AHCTF1: variants seen among roughly 807,000 people sequenced by gnomAD.
The protein encoded by AHCTF1 is protein ELYS.
In AHCTF1, 24 loss-of-function variants were observed where a neutral mutation model predicts 248.4. The ratio of observed to expected loss-of-function variants is 0.10; its 90% CI spans 0.07 to 0.14. The LOEUF is 0.14. Ranked by LOEUF, AHCTF1 falls within the 10% of genes least tolerant of loss-of-function variation. AHCTF1 has a pLI of 1.00. For synonymous variants in AHCTF1, 786 were observed against 929.8 expected (o/e 0.85, Z 2.81); for missense variants, 2,206 against 2,636.2 (o/e 0.84, Z 3.57).
chr1:246,874,669 T>TA (rs1304684274), intron 24 of AHCTF1, among the ~76,000 whole-genome samples: 1 of 151,944 alleles, frequency 6.6e-6, no homozygotes, highest in Non-Finnish European at 1.5e-5. Flanking sequence ...TCTTCCAAAT[T>TA]AAAAAAAATT....
rs1319494319 is a variant in AHCTF1 at position 246,876,952 on chromosome 1, T to C, written c.2935A>G (p.Met979Val). The change falls in exon 23 of 36, where the codon ATG becomes GTG. Residue 979 changes from methionine to valine, a missense_variant and splice_region_variant. Around this residue, in one of 6 missense-constraint regions of AHCTF1, gnomAD observed 955 missense variants for 1,055.6 expected, o/e 0.90. Transcript: ENST00000648844. ...TAATAAGACAACTTTAATCGTACCA[T>C]AACATTAATCTTCAGAGTTTGGTTC... ...KLNQTLKINVMNDRDPRLRER... is the reference protein window; with the variant it reads ...KLNQTLKINVVNDRDPRLRER... 2 of 1,611,738 alleles carry C rather than the reference T, an allele frequency of 1.2e-6. No individual in the cohort carries two copies. Among genetic ancestry groups the C allele is most frequent in the Admixed American group, 3.3e-5 (2 of 60,000 alleles).
At chr1:246,867,924 A>T in intron 24 of AHCTF1, 113 bp from the exon 25 acceptor site, 1 of 360,590 alleles carries the variant, frequency 2.8e-6, no homozygotes, top group Non-Finnish European at 4.3e-6. Flanking sequence ...CACACACATT[A>T]CGTGGTAATA....
chr1:246,930,966 C>T (rs756841281), intron 1 of AHCTF1, among the ~76,000 whole-genome samples: 4 of 152,154 alleles, frequency 2.6e-5, no homozygotes, highest in Non-Finnish European at 5.9e-5. Flanking sequence ...AAACAGTCAA[C>T]CAGTGGCAAA....
intron 1 of AHCTF1, among the ~76,000 whole-genome samples, chr1:246,920,317 A>G (rs994755921): frequency 2.0e-5 from 3 of 152,138 alleles, no homozygotes; most frequent in Non-Finnish European, 1.5e-5. Context: ...ATTTAGCTTG[A>G]TAAGAAACTG....
intron 1 of AHCTF1, among the ~76,000 whole-genome samples, chr1:246,924,561 C>G (rs1324481569): frequency 6.6e-5 from 10 of 151,938 alleles, no homozygotes; most frequent in Non-Finnish European, 1.3e-4. Context: ...AAAAATCAAC[C>G]TAACGTTCTT....
chr1:246,921,948 C>T (rs1465034363), intron 1 of AHCTF1, among the ~76,000 whole-genome samples: 1 of 152,234 alleles, frequency 6.6e-6, no homozygotes, highest in East Asian at 1.9e-4. Context: ...TAAACACTGA[C>T]TACACAACAA....
At chr1:246,870,570 CAGAT>C (rs773297561) in intron 24 of AHCTF1, among the ~76,000 whole-genome samples, 4 of 151,894 alleles carry the variant, frequency 2.6e-5, no homozygotes, top group African/African-American at 4.8e-5. Context: ...AAAGTGTAAA[CAGAT>C]AGAGGGTCTC....
rs1256646412 is a variant in AHCTF1, at chr1:246,918,377, A to G, written c.-7T>C. 2 of 1,604,924 alleles carry G rather than the reference A, an allele frequency of 1.2e-6. No homozygotes were observed. Among genetic ancestry groups the G allele is most frequent in the Admixed American group, 3.4e-5 (2 of 58,556 alleles). ...GAGCTCTTAAGTCTCGCATACTTCC[A>G]CTGTAAATATTTTTAAAAGAAAACA... is the stretch of plus-strand genomic sequence containing the variant. On this transcript the variant is annotated splice_region_variant and 5_prime_UTR_variant, in exon 2 of 36. Transcript: ENST00000648844.
intron 1 of AHCTF1, among the ~76,000 whole-genome samples, chr1:246,924,914 C>T (rs1287951184): frequency 6.6e-6 from 1 of 152,086 alleles, no homozygotes; most frequent in Non-Finnish European, 1.5e-5. Flanking sequence ...CAATACAAAA[C>T]CCTCATGAGG....
rs758571381 is a variant in AHCTF1 at position 246,861,261 on chromosome 1, G to T, written c.3770C>A (p.Thr1257Lys). Residue 1257 changes from threonine to lysine, a missense_variant, in exon 29 of 36, where the codon ACA (threonine) becomes AAA (lysine). Physicochemically the swap from Thr to Lys is moderately conservative, Grantham distance 78 (BLOSUM62 -1). Around this residue, in one of 6 missense-constraint regions of AHCTF1, gnomAD observed 955 missense variants for 1,055.6 expected, o/e 0.90. Coordinates refer to ENST00000648844, the MANE Select transcript of AHCTF1 (RefSeq NM_001323342.2). ...CACTGGAACTGCACATTTTTTAGGT[G>T]TAGTAAATACTTCTAATTTGCTATC... ...ADDSKLEVFT[T>K]PKKCAVPVET... 5 of 1,611,790 alleles carry T rather than the reference G, an allele frequency of 3.1e-6. No individual in the cohort carries two copies. The highest frequency in any genetic ancestry group is 1.7e-5 in the Admixed American group (1 of 59,848).
At chr1:246,919,128 A>C (rs1337256525) in intron 1 of AHCTF1, among the ~76,000 whole-genome samples, 1 of 152,196 alleles carries the variant, frequency 6.6e-6, no homozygotes, top group Non-Finnish European at 1.5e-5. Context: ...TAGCCATCTG[A>C]GTTGGTTAGC....
At chr1:246,895,107 T>A (rs549218484) in intron 13 of AHCTF1, among the ~76,000 whole-genome samples, 1 of 152,184 alleles carries the variant, frequency 6.6e-6, no homozygotes, top group Admixed American at 6.5e-5. Context: ...AACAATTACA[T>A]ACAAACTATT....
chr1:246,867,563 A>T, intron 25 of AHCTF1, 98 bp downstream of exon 25: 1 of 1,461,120 alleles, frequency 6.8e-7, no homozygotes. Context: ...ACATACACTA[A>T]TAAACTTAGG....
chr1:246,927,674 T>G (rs12065654), intron 1 of AHCTF1, among the ~76,000 whole-genome samples: 1 of 152,190 alleles, frequency 6.6e-6, no homozygotes. Context: ...AAAGGCTAGA[T>G]AGGCAGAGCA....
At chr1:246,856,141 C>T (rs936663002) in intron 30 of AHCTF1, among the ~76,000 whole-genome samples, 6 of 152,084 alleles carry the variant, frequency 3.9e-5, no homozygotes, top group South Asian at 2.1e-4. Flanking sequence ...TAATCTGTGG[C>T]CAGTCTTCAA....
In AHCTF1 at chr1:246,913,243, A is replaced by C; in HGVS notation, c.545T>G (p.Val182Gly). Residue 182 changes from valine to glycine, a missense_variant, in exon 4 of 36, where the codon GTT becomes GGT. Transcript: ENST00000648844. ...LDDLSCNQNE[V>G]EASDLEVLTG... ...AAAGAACTGATTACCTGATGCTTCA[A>C]CTTCATTTTGATTGCATGACAAGTC... is the stretch of plus-strand genomic sequence containing the variant. The C allele has an allele frequency of 1.2e-6, 2 of 1,601,762 alleles. No individual in the cohort carries two copies. The highest frequency in any genetic ancestry group is 1.7e-6 in the Non-Finnish European group (2 of 1,172,950).
intron 6 of AHCTF1, among the ~76,000 whole-genome samples, 175 bp from the exon 7 acceptor site, chr1:246,904,208 T>A (rs1162934805): frequency 1.3e-5 from 2 of 152,250 alleles, no homozygotes; most frequent in African/African-American, 2.4e-5. Context: ...GAAATAATAA[T>A]TGATATTTAT....
At chr1:246,889,136 A>G (rs768050688) in intron 17 of AHCTF1, among the ~76,000 whole-genome samples, 2 of 152,194 alleles carry the variant, frequency 1.3e-5, no homozygotes, top group Non-Finnish European at 2.9e-5. Context: ...AATGAAGTTC[A>G]AAGACAGAGA....
chr1:246,898,451 T>C lies in AHCTF1; in HGVS notation c.1495-115A>G, dbSNP rs951238457. The C allele has an allele frequency of 2.7e-6, 3 of 1,098,264 alleles. No individual in the cohort carries two copies. The African/African-American group carries it at 4.8e-5, about 18-fold the overall frequency. The allele number at this position is 1,098,264 out of a possible 1,614,324, so 68.0% of individuals were successfully genotyped here. A position where few individuals can be genotyped will look rare whatever the true frequency, so the allele number is the denominator to read the frequency against. On this transcript the variant is annotated intron_variant, in intron 11 of 35. Coordinates refer to ENST00000648844, the MANE Select transcript of AHCTF1 (RefSeq NM_001323342.2). ...AAATTTAAAGATAGCAAGTGGAAAT[T>C]ATGAAAGACTATATTTCCTGCAAGA... is the stretch of plus-strand genomic sequence containing the variant.
Sources: gnomAD v4.1 joint callset for allele counts (sites outside exome capture counted in the v4.1 genomes callset) on GRCh38, gnomAD v4.1.1 for gene constraint, gnomAD v4.1.1 regional missense constraint, MANE v1.5 for transcripts, NCBI Gene and HGNC (gene_info 2026-07-23, HGNC 2026-07-21) for gene names.